The following TMC1 variants were observed in gnomAD, a reference collection of about 807,000 sequenced individuals.
TMC1 encodes transmembrane channel-like protein 1.
TMC1 carries 84 observed loss-of-function variants against 105.8 expected under a neutral mutation model. The ratio of observed to expected loss-of-function variants is 0.79; its 90% CI spans 0.67 to 0.95. The LOEUF is 0.95. TMC1 is among the 40% of genes least tolerant of loss of function. The pLI is 0.00. For synonymous variants in TMC1, 315 were observed against 311.5 expected, an observed-to-expected ratio of 1.01 and a Z score of -0.12; for missense variants, 817 against 914.1, an observed-to-expected ratio of 0.89 and a Z score of 1.37.
chr9:72,619,819 TAA>T (rs1825210576), intron 3 of TMC1, among the ~76,000 whole-genome samples: 1 of 150,664 alleles, frequency 6.6e-6, no homozygotes, highest in Non-Finnish European at 1.5e-5. Context: ...TTTAATTAAT[TAA>T]TTAATTAATT....
chr9:72,592,901 T>C (rs767222485), intron 2 of TMC1, among the ~76,000 whole-genome samples: 1 of 152,204 alleles, frequency 6.6e-6, no homozygotes, highest in African/African-American at 2.4e-5. Flanking sequence ...TTAAATTTCC[T>C]AGGACAGTGG....
chr9:72,806,824 C>T (rs575191319), intron 18 of TMC1, among the ~76,000 whole-genome samples: 48 of 152,128 alleles, frequency 3.2e-4, no homozygotes, highest in South Asian at 2.9e-3. Context: ...AGACGATGGG[C>T]GGCCAGGCAG....
At position 72,532,528 on chromosome 9, in the gene TMC1, C is replaced by T. The variant is rs955358184; in HGVS notation, c.-428+10615C>T. Among the ~76,000 whole-genome samples the T allele has an allele frequency of 2.6e-4, 30 of 115,018 alleles. 1 individual carries two copies. Among genetic ancestry groups the T allele is most frequent in the Admixed American group, 3.5e-4 (3 of 8,584 alleles). The allele number at this position is 115,018 out of a possible 152,430, so 75.5% of individuals were successfully genotyped here. On this transcript the variant is annotated intron_variant, in intron 1 of 23. Coordinates refer to ENST00000297784, the MANE Select transcript of TMC1 (RefSeq NM_138691.3). ...TGTACTCCAGCCTGGACAACAAGAG[C>T]GAGACTCCGTCTCAAAAAAAAAAAA... is the stretch of plus-strand genomic sequence containing the variant.
At chr9:72,641,953 G>A (rs1588006883) in intron 4 of TMC1, among the ~76,000 whole-genome samples, 2 of 151,626 alleles carry the variant, frequency 1.3e-5, no homozygotes, top group Non-Finnish European at 2.9e-5. Flanking sequence ...GAGTAGCTAG[G>A]ATTACAGGCG....
At chr9:72,683,618 G>A (rs1370861359) in intron 5 of TMC1, among the ~76,000 whole-genome samples, 1 of 148,502 alleles carries the variant, frequency 6.7e-6, no homozygotes, top group East Asian at 2.0e-4. Context: ...TCACATTTTT[G>A]TTAAGGGGCT....
chr9:72,766,404 G>A (rs149164638), intron 12 of TMC1, among the ~76,000 whole-genome samples: 138 of 148,512 alleles, frequency 9.3e-4, no homozygotes, highest in African/African-American at 3.4e-3. Context: ...GTGACACGGT[G>A]AGACTCTGTC....
At chr9:72,775,592 A>G (rs1371228632) in intron 13 of TMC1, among the ~76,000 whole-genome samples, 1 of 152,226 alleles carries the variant, frequency 6.6e-6, no homozygotes, top group Non-Finnish European at 1.5e-5. Context: ...TGTCTTAATA[A>G]GAAACTCATA....
intron 18 of TMC1, 89 bp from the exon 19 acceptor site, chr9:72,816,054 G>T: frequency 8.7e-7 from 1 of 1,144,706 alleles, no homozygotes; most frequent in Non-Finnish European, 1.3e-6. Context: ...GGAAGTAATT[G>T]AAACCCTAGC....
At chr9:72,612,966 C>G (rs769642952) in intron 2 of TMC1, among the ~76,000 whole-genome samples, 2 of 152,074 alleles carry the variant, frequency 1.3e-5, no homozygotes, top group African/African-American at 2.4e-5. Flanking sequence ...AAAAGATTGT[C>G]AGTTTGTTCA....
intron 7 of TMC1, 29 bp downstream of exon 7, chr9:72,694,743 GT>G: frequency 6.3e-7 from 1 of 1,584,192 alleles, no homozygotes; most frequent in East Asian, 2.3e-5. Flanking sequence ...TCTTTCAAAA[GT>G]TCCAATGCTG....
At chr9:72,661,469 A>G (rs1043144165) in intron 5 of TMC1, among the ~76,000 whole-genome samples, 1 of 152,144 alleles carries the variant, frequency 6.6e-6, no homozygotes, top group Non-Finnish European at 1.5e-5. Flanking sequence ...TAGCCTCTCT[A>G]GGTCTTTGCT....
intron 11 of TMC1, among the ~76,000 whole-genome samples, chr9:72,754,079 C>T (rs938936613): frequency 2.0e-5 from 3 of 152,160 alleles, no homozygotes; most frequent in African/African-American, 4.8e-5. Context: ...TTCCATCTCA[C>T]AGAAGAAGCA....
chr9:72,785,944 A>T (rs1317869048), intron 13 of TMC1, among the ~76,000 whole-genome samples: 2 of 152,152 alleles, frequency 1.3e-5, no homozygotes, highest in East Asian at 3.8e-4. Context: ...GCTTCTAGAA[A>T]ATTGTTTCCT....
At chr9:72,758,517 G>A (rs540991317) in intron 12 of TMC1, among the ~76,000 whole-genome samples, 41 of 152,318 alleles carry the variant, frequency 2.7e-4, no homozygotes, top group African/African-American at 9.4e-4. Flanking sequence ...TGGTCAGGAC[G>A]TGGTGTCCTC....
At chr9:72,547,161 C>T (rs1343712649) in intron 1 of TMC1, among the ~76,000 whole-genome samples, 1 of 152,014 alleles carries the variant, frequency 6.6e-6, no homozygotes, top group African/African-American at 2.4e-5. Flanking sequence ...TTGGCGTGCG[C>T]CTGTAATCCC....
At chr9:72,759,048 G>A (rs777448874) in intron 12 of TMC1, among the ~76,000 whole-genome samples, 5 of 152,088 alleles carry the variant, frequency 3.3e-5, no homozygotes, top group Non-Finnish European at 5.9e-5. Flanking sequence ...GGACATTGAG[G>A]TAACATAGAA....
At chr9:72,810,326 A>C (rs1391063452) in intron 18 of TMC1, among the ~76,000 whole-genome samples, 1 of 152,116 alleles carries the variant, frequency 6.6e-6, no homozygotes, top group African/African-American at 2.4e-5. Flanking sequence ...ATAAAAGATA[A>C]AATCATGGTC....
intron 5 of TMC1, among the ~76,000 whole-genome samples, chr9:72,653,828 T>C (rs968743722): frequency 6.6e-6 from 1 of 152,212 alleles, no homozygotes; most frequent in African/African-American, 2.4e-5. Context: ...GCTAGTCTGC[T>C]TTTTGTCAGC....
intron 4 of TMC1, among the ~76,000 whole-genome samples, chr9:72,639,003 C>T (rs1588004924): frequency 6.6e-6 from 1 of 152,248 alleles, no homozygotes; most frequent in Non-Finnish European, 1.5e-5. Context: ...AGTAATTTAT[C>T]AACCTACCAT....
Sources: allele counts gnomAD v4.1 joint callset (sites outside exome capture counted in the v4.1 genomes callset), GRCh38; gene constraint gnomAD v4.1.1; transcripts MANE v1.5; gene names NCBI Gene and HGNC (gene_info 2026-07-23, HGNC 2026-07-21).